The following B3GALNT1 variants were observed in gnomAD, a reference collection of about 807,000 sequenced individuals.
B3GALNT1 encodes UDP-GalNAc:beta-1,3-N-acetylgalactosaminyltransferase 1.
A neutral mutation model predicts 27.3 loss-of-function variants in B3GALNT1; 17 were observed. The ratio of observed to expected loss-of-function variants is 0.62; its 90% CI spans 0.43 to 0.94. The LOEUF (loss-of-function observed/expected upper bound fraction) is 0.94. Among genes scored for constraint, B3GALNT1 ranks in the 40% least tolerant of loss-of-function variants. B3GALNT1 has a pLI of 0.00. For missense variants in B3GALNT1, 347 were observed against 390.0 expected (o/e 0.89, Z 0.93); for synonymous variants, 141 against 144.0 (o/e 0.98, Z 0.15).
intron 4 of B3GALNT1, among the ~76,000 whole-genome samples, chr3:161,088,225 T>C (rs1723070666): frequency 6.6e-6 from 1 of 152,220 alleles, no homozygotes; most frequent in African/African-American, 2.4e-5. Flanking sequence ...ATCTCTTACC[T>C]GCCCTGATTA....
rs1232822488 is a variant in B3GALNT1 at position 161,103,407 on chromosome 3, T to G, written c.-130+20A>C. The G allele has an allele frequency of 8.6e-7, 1 of 1,165,502 alleles. No homozygotes were observed. The highest frequency in any genetic ancestry group is 1.3e-5 in the South Asian group (1 of 76,562). 72.2% of individuals were successfully genotyped at this position (1,165,502 alleles called of 1,614,324 possible). Reference sequence around the variant, plus strand: ...TTAACCAATTAGGATAATTTATAAGTTAAAAGTAGATGAACTTACCTGTGG... The same window carrying G: ...TTAACCAATTAGGATAATTTATAAGGTAAAAGTAGATGAACTTACCTGTGG... On this transcript the variant is annotated intron_variant, in intron 3 of 4. Transcript: ENST00000320474.
At chr3:161,096,079 A>G (rs1727994396) in intron 4 of B3GALNT1, among the ~76,000 whole-genome samples, 1 of 152,136 alleles carries the variant, frequency 6.6e-6, no homozygotes, top group Non-Finnish European at 1.5e-5. Flanking sequence ...GGAAAACCTG[A>G]CCCCACTTAT....
intron 4 of B3GALNT1, among the ~76,000 whole-genome samples, chr3:161,099,427 C>A (rs1729975083): frequency 6.6e-6 from 1 of 152,264 alleles, no homozygotes; most frequent in South Asian, 2.1e-4. Context: ...ACCAGCTGCA[C>A]AAGGGCAGGA....
chr3:161,094,929 C>T (rs139186977), intron 4 of B3GALNT1, among the ~76,000 whole-genome samples: 178 of 152,296 alleles, frequency 1.2e-3, no homozygotes, highest in Admixed American at 1.9e-3. Context: ...GCTACAACTA[C>T]TCCCTCCCAA....
At chr3:161,104,183 T>A in intron 2 of B3GALNT1, 136 bp downstream of exon 2, 1 of 514,658 alleles carries the variant, frequency 1.9e-6, no homozygotes. Flanking sequence ...ACGCGTTCAG[T>A]AATTTGTGCT....
intron 1 of B3GALNT1, chr3:161,105,010 G>T: frequency 6.6e-6 from 1 of 152,466 alleles, no homozygotes; most frequent in Non-Finnish European, 1.5e-5. Context: ...CACCGGAGGC[G>T]GGCAGCTGCT....
At chr3:161,093,327 T>G (rs149542166) in intron 4 of B3GALNT1, among the ~76,000 whole-genome samples, 1 of 152,240 alleles carries the variant, frequency 6.6e-6, no homozygotes, top group Non-Finnish European at 1.5e-5. Flanking sequence ...AATAAAAATA[T>G]TTTTAAAACG....
At chr3:161,092,588 T>C (rs867814425) in intron 4 of B3GALNT1, among the ~76,000 whole-genome samples, 1 of 152,072 alleles carries the variant, frequency 6.6e-6, no homozygotes, top group Non-Finnish European at 1.5e-5. Context: ...GAAATATAGG[T>C]GTTCTCTAAT....
chr3:161,089,998 G>T, intron 4 of B3GALNT1: 2 of 250,192 alleles, frequency 8.0e-6, no homozygotes, highest in South Asian at 7.2e-5. Context: ...AAACCTGAGA[G>T]ACGGAGATTG....
chr3:161,087,701 C>A (rs1237393703), intron 4 of B3GALNT1, among the ~76,000 whole-genome samples: 1 of 152,116 alleles, frequency 6.6e-6, no homozygotes, highest in Non-Finnish European at 1.5e-5. Flanking sequence ...CAGCTCTGTT[C>A]CTGATCTCAA....
chr3:161,103,447 T>C lies in B3GALNT1; in HGVS notation c.-150A>G, dbSNP rs1053352011. 2 of 1,273,112 alleles carry C rather than the reference T, an allele frequency of 1.6e-6. No individual in the cohort carries two copies. The highest frequency in any genetic ancestry group is 1.1e-4 in the East Asian group (2 of 17,952). The allele number at this position is 1,273,112 out of a possible 1,614,324, so 78.9% of individuals were successfully genotyped here. On this transcript the variant is annotated 5_prime_UTR_variant, in exon 3 of 5. Transcript: ENST00000320474. ...CTTACCTGTGGAATTCCAGATGAAA[T>C]TAAAGCTTAAGTTTTTTGTTGTTTT...
chr3:161,104,652 T>C, intron 1 of B3GALNT1: 1 of 229,334 alleles, frequency 4.4e-6, no homozygotes, highest in South Asian at 4.9e-5. Context: ...TTTCCTTCTC[T>C]CTCCGCCCGT....
rs997685109 is a variant in B3GALNT1 at position 161,103,414 on chromosome 3, T to C, written c.-130+13A>G. On this transcript the variant is annotated intron_variant, in intron 3 of 4. Coordinates refer to ENST00000320474, the MANE Select transcript of B3GALNT1 (RefSeq NM_003781.4). ...ATTAGGATAATTTATAAGTTAAAAG[T>C]AGATGAACTTACCTGTGGAATTCCA... 20 of 1,189,460 alleles carry C rather than the reference T, an allele frequency of 1.7e-5. No homozygotes were observed. The highest frequency in any genetic ancestry group is 2.1e-5 in the Non-Finnish European group (19 of 900,732). 73.7% of individuals were successfully genotyped at this position (1,189,460 alleles called of 1,614,324 possible). A position where few individuals can be genotyped will look rare whatever the true frequency, so the allele number is the denominator to read the frequency against.
chr3:161,085,791 C>T lies in B3GALNT1; in HGVS notation c.964G>A (p.Val322Ile). 1.2e-6 allele frequency: 2 copies of T among 1,614,114 alleles called. No homozygotes were observed. The highest frequency in any genetic ancestry group is 1.7e-6 in the Non-Finnish European group (2 of 1,180,018). Residue 322 changes from valine (V) to isoleucine (I), a missense_variant, in exon 5 of 5, where the codon GTC (valine) becomes ATC (isoleucine). By Grantham distance (29) the Val-to-Ile change is conservative (BLOSUM62 3). Transcript: ENST00000320474. ...TGGCATGTGGTGTTCCTTAGCATGACCTGCCAAAAAGTGATGATCTCCTTG... is the reference window on the plus strand; with the variant it reads ...TGGCATGTGGTGTTCCTTAGCATGATCTGCCAAAAAGTGATGATCTCCTTG... ...SSKEIITFWQVMLRNTTCHY is the reference protein window; with the variant it reads ...SSKEIITFWQIMLRNTTCHY
chr3:161,099,972 C>T (rs1730333997), intron 4 of B3GALNT1, among the ~76,000 whole-genome samples: 1 of 152,184 alleles, frequency 6.6e-6, no homozygotes, highest in South Asian at 2.1e-4. Context: ...AAGGGTTTAT[C>T]ATCTCCCATA....
rs1720658919 is a variant in B3GALNT1 at position 161,084,159 on chromosome 3, G to T, written c.*1600C>A. On this transcript the variant is annotated 3_prime_UTR_variant, in exon 5 of 5. Coordinates refer to ENST00000320474, the MANE Select transcript of B3GALNT1 (RefSeq NM_003781.4). Reference sequence around the variant, plus strand: ...ATAACTGTAATCTTCTGCAAAACCAGTCAAATCTAACCATGCCACAAAAAT... The same window carrying T: ...ATAACTGTAATCTTCTGCAAAACCATTCAAATCTAACCATGCCACAAAAAT... 6.6e-6 allele frequency: 1 copy of T among 152,136 alleles called. No individual in the cohort carries two copies. Among genetic ancestry groups the T allele is most frequent in the Admixed American group, 6.6e-5 (1 of 15,260 alleles). The allele number at this position is 152,136 out of a possible 1,614,324, so 9.4% of individuals were successfully genotyped here.
intron 4 of B3GALNT1, among the ~76,000 whole-genome samples, chr3:161,091,986 C>T (rs890744284): frequency 6.6e-6 from 1 of 152,120 alleles, no homozygotes; most frequent in Non-Finnish European, 1.5e-5. Context: ...TTTTTAGTTG[C>T]AAGAACTGAA....
chr3:161,099,017 GT>G (rs1402272707), intron 4 of B3GALNT1, among the ~76,000 whole-genome samples: 1 of 152,206 alleles, frequency 6.6e-6, no homozygotes, highest in Non-Finnish European at 1.5e-5. Flanking sequence ...AGTAATAATA[GT>G]AGCTAGATGG....
At position 161,105,257 on chromosome 3, in the gene B3GALNT1, A is replaced by C; in HGVS notation, c.-331T>G. ...CACCTCCTGTGCTCGGCGCGCACCC[A>C]GCTCGGAAGCGGGAAGGTGGCCGGC... On this transcript the variant is annotated 5_prime_UTR_variant, in exon 1 of 5. Coordinates refer to ENST00000320474, the MANE Select transcript of B3GALNT1 (RefSeq NM_003781.4). The C allele has an allele frequency of 6.6e-6, 1 of 152,306 alleles. No homozygotes were observed. 9.4% of individuals were successfully genotyped at this position (152,306 alleles called of 1,614,324 possible).
Sources: gnomAD v4.1 joint callset for allele counts (sites outside exome capture counted in the v4.1 genomes callset) on GRCh38, gnomAD v4.1.1 for gene constraint, MANE v1.5 for transcripts, NCBI Gene and HGNC (gene_info 2026-07-23, HGNC 2026-07-21) for gene names.